Variants in DSCAM observed in about 807,000 individuals in gnomAD.
The protein encoded by DSCAM is DS cell adhesion molecule.
Under a neutral mutation model 217.7 loss-of-function variants are expected in DSCAM, and 47 were observed. That is an observed-to-expected ratio of 0.22 (90% CI 0.17 to 0.28). The LOEUF is 0.28. Among genes scored for constraint, DSCAM ranks in the 10% least tolerant of loss-of-function variants. The probability of loss-of-function intolerance (pLI) is 1.00; values close to 1 mark genes in which losing one functional copy is unlikely to be tolerated. For missense variants in DSCAM, 2,080 were observed against 2,618.3 expected (o/e 0.79, Z 4.49); for synonymous variants, 1,056 against 1,015.3 (o/e 1.04, Z -0.76).
At chr21:40,078,011 G>T (rs926162627) in intron 26 of DSCAM, among the ~76,000 whole-genome samples, 1 of 152,178 alleles carries the variant, frequency 6.6e-6, no homozygotes, top group Non-Finnish European at 1.5e-5. Flanking sequence ...GCTTCACTGG[G>T]CTTAGCATTT....
chr21:40,423,859 G>A (rs1451379629), intron 3 of DSCAM, among the ~76,000 whole-genome samples: 3 of 152,148 alleles, frequency 2.0e-5, no homozygotes, highest in African/African-American at 7.2e-5. Flanking sequence ...GTCTTAATGG[G>A]CAGAAATCCA....
chr21:40,422,593 G>A (rs1416203746), intron 3 of DSCAM, among the ~76,000 whole-genome samples: 1 of 152,170 alleles, frequency 6.6e-6, no homozygotes, highest in Non-Finnish European at 1.5e-5. Flanking sequence ...AGTGAGCCAA[G>A]ATCGCGCCAC....
intron 16 of DSCAM, among the ~76,000 whole-genome samples, chr21:40,149,013 C>CT (rs1340155967): frequency 1.3e-5 from 2 of 152,086 alleles, no homozygotes; most frequent in African/African-American, 2.4e-5. Flanking sequence ...AAAGATGCTT[C>CT]ACTTTATCAC....
At chr21:40,700,309 A>C (rs2090641484) in intron 2 of DSCAM, among the ~76,000 whole-genome samples, 1 of 152,216 alleles carries the variant, frequency 6.6e-6, no homozygotes, top group Admixed American at 6.5e-5. Context: ...TTTGACAAGT[A>C]TGATGTTCGC....
chr21:40,728,580 G>A lies in DSCAM; in HGVS notation c.44-19809C>T, dbSNP rs377059971. On this transcript the variant is annotated intron_variant, in intron 1 of 32. Transcript: ENST00000400454. Reference sequence around the variant, plus strand: ...ATTACAGGCACCTACAACCACGCCCGGCTAATTTTTTGTATTTTTAGTAGA... The same window carrying A: ...ATTACAGGCACCTACAACCACGCCCAGCTAATTTTTTGTATTTTTAGTAGA... Among the ~76,000 whole-genome samples, 316 of 152,036 alleles carry A rather than the reference G, an allele frequency of 2.1e-3. 1 individual carries two copies. Among genetic ancestry groups the A allele is most frequent in the African/African-American group, 7.0e-3 (290 of 41,478 alleles).
intron 18 of DSCAM, among the ~76,000 whole-genome samples, chr21:40,141,811 G>T (rs898635969): frequency 6.6e-6 from 1 of 152,222 alleles, no homozygotes; most frequent in Admixed American, 6.5e-5. Flanking sequence ...GCACACTCAC[G>T]CAGCCCGGCC....
chr21:40,759,587 A>G (rs2091310049), intron 1 of DSCAM, among the ~76,000 whole-genome samples: 1 of 152,102 alleles, frequency 6.6e-6, no homozygotes, highest in South Asian at 2.1e-4. Context: ...ATGCACATCA[A>G]TACGGCGGGG....
At chr21:40,243,893 G>T (rs1472322135) in intron 11 of DSCAM, among the ~76,000 whole-genome samples, 2 of 152,268 alleles carry the variant, frequency 1.3e-5, no homozygotes, top group East Asian at 3.9e-4. Flanking sequence ...GGCATCAGAG[G>T]GAGGGACCTC....
intron 11 of DSCAM, among the ~76,000 whole-genome samples, chr21:40,231,472 C>T (rs114256744): frequency 0.015 from 2,339 of 151,976 alleles, 19 homozygotes; most frequent in Middle Eastern, 0.027. Context: ...TGTAAGAAAA[C>T]TTGTTGATTT....
chr21:40,694,783 G>A (rs62223020), intron 2 of DSCAM, among the ~76,000 whole-genome samples: 7,319 of 151,870 alleles, frequency 0.048, 361 homozygotes, highest in African/African-American at 0.13. Flanking sequence ...CGAGAGGAGG[G>A]AACTGACTTT....
chr21:40,190,769 G>A (rs571062428), intron 11 of DSCAM, among the ~76,000 whole-genome samples: 1 of 152,272 alleles, frequency 6.6e-6, no homozygotes, highest in South Asian at 2.1e-4. Flanking sequence ...AGCCCTGCTG[G>A]CCGTGAGCTC....
chr21:40,163,141 C>T (rs2090559048), intron 16 of DSCAM, among the ~76,000 whole-genome samples: 1 of 150,648 alleles, frequency 6.6e-6, no homozygotes, highest in African/African-American at 2.5e-5. Context: ...ATCACATTGT[C>T]CTTAATTTGC....
intron 3 of DSCAM, among the ~76,000 whole-genome samples, chr21:40,628,012 T>C (rs1248271023): frequency 6.6e-6 from 1 of 152,212 alleles, no homozygotes; most frequent in East Asian, 1.9e-4. Flanking sequence ...GATGGTACAT[T>C]TGACCACTTT....
chr21:40,414,290 CAA>C (rs2075350262), intron 3 of DSCAM, among the ~76,000 whole-genome samples: 1 of 152,036 alleles, frequency 6.6e-6, no homozygotes, highest in East Asian at 1.9e-4. Flanking sequence ...TATAAGAAAA[CAA>C]AAGTCTTCTT....
chr21:40,334,584 C>T (rs2074409874), intron 8 of DSCAM, among the ~76,000 whole-genome samples: 1 of 152,152 alleles, frequency 6.6e-6, no homozygotes, highest in South Asian at 2.1e-4. Flanking sequence ...GGTCATTCTA[C>T]TTGCCCCCTT....
chr21:40,557,865 C>T (rs1779048521), intron 3 of DSCAM, among the ~76,000 whole-genome samples: 1 of 152,158 alleles, frequency 6.6e-6, no homozygotes, highest in African/African-American at 2.4e-5. Context: ...TATACACACG[C>T]ACTGATATCT....
intron 32 of DSCAM, among the ~76,000 whole-genome samples, chr21:40,038,976 A>C (rs1157528510): frequency 7.4e-6 from 1 of 134,456 alleles, no homozygotes; most frequent in African/African-American, 2.8e-5. Flanking sequence ...ATGAGATCAC[A>C]TGGACACAGG....
chr21:40,750,353 T>C (rs1019546371), intron 1 of DSCAM, among the ~76,000 whole-genome samples: 6 of 152,226 alleles, frequency 3.9e-5, no homozygotes, highest in African/African-American at 1.4e-4. Flanking sequence ...GCAGTGATAA[T>C]TGACACTATT....
Position 40,037,437 on chromosome 21 carries a change from T to C in DSCAM, c.5686+4934A>G, listed in dbSNP as rs1307041680. On this transcript the variant is annotated intron_variant, in intron 32 of 32. Coordinates refer to ENST00000400454, the MANE Select transcript of DSCAM (RefSeq NM_001389.5). Reference sequence around the variant, plus strand: ...CACAATTGCTTCAAAGAGAATAAAATACCTAGGAATCCAACTTACAAGGGA... The same window carrying C: ...CACAATTGCTTCAAAGAGAATAAAACACCTAGGAATCCAACTTACAAGGGA... 1.4e-5 allele frequency among the ~76,000 whole-genome samples: 2 copies of C among 142,694 alleles called. 1 individual carries two copies. Among genetic ancestry groups the C allele is most frequent in the African/African-American group, 5.5e-5 (2 of 36,346 alleles). 93.6% of individuals were successfully genotyped at this position (142,694 alleles called of 152,430 possible). A position where few individuals can be genotyped will look rare whatever the true frequency, so the allele number is the denominator to read the frequency against.
Sources: gnomAD v4.1 joint callset for allele counts (sites outside exome capture counted in the v4.1 genomes callset) on GRCh38, gnomAD v4.1.1 for gene constraint, MANE v1.5 for transcripts, NCBI Gene and HGNC (gene_info 2026-07-23, HGNC 2026-07-21) for gene names.